The following CLCC1 variants were observed in gnomAD, a reference collection of about 807,000 sequenced individuals.
CLCC1 encodes the protein chloride channel CLIC like 1, also known as chloride channel CLIC-like protein 1.
Under a neutral mutation model 63.3 loss-of-function variants are expected in CLCC1, and 39 were observed. That is an observed-to-expected ratio of 0.62 (90% CI 0.48 to 0.81). The LOEUF is 0.81. Ranked by LOEUF, CLCC1 falls within the 30% of genes least tolerant of loss-of-function variation. CLCC1 has a pLI of 0.00. For missense variants in CLCC1, 549 were observed against 669.4 expected, an observed-to-expected ratio of 0.82 and a Z score of 1.98; for synonymous variants, 217 against 239.8, an observed-to-expected ratio of 0.90 and a Z score of 0.88.
rs145636232 is a variant in CLCC1, at chr1:108,934,691, C to G, written c.1635G>C (p.Pro545=). The G allele has an allele frequency of 8.2e-4, 1,316 of 1,613,432 alleles. 2 individuals carry two copies. Among genetic ancestry groups the G allele is most frequent in the Non-Finnish European group, 1.0e-3 (1,221 of 1,179,942 alleles). ...RGVAGPRGQD[P]VSSPCG ...TCCTCTAGCCACAGGGGCTGCTGAC[C>G]GGATCCTGTCCACGTGGTCCAGCCA... The change falls in exon 12 of 13, where the codon CCG becomes CCC. Residue 545 remains proline (P), a synonymous_variant. Coordinates refer to ENST00000369969, the MANE Select transcript of CLCC1 (RefSeq NM_001377458.1).
chr1:108,933,114 G>A (rs966511132), intron 12 of CLCC1: 2 of 151,778 alleles, frequency 1.3e-5, no homozygotes, highest in African/African-American at 4.8e-5. Flanking sequence ...ACCTTCCAAA[G>A]TGCTAGGACT....
chr1:108,947,525 T>A, intron 5 of CLCC1, 86 bp downstream of exon 5: 1 of 801,180 alleles, frequency 1.2e-6, no homozygotes. Flanking sequence ...AAAAGCATCA[T>A]GATGCTTTCA....
rs752300174 is a variant in CLCC1, at chr1:108,929,927, C to T, written c.*2620G>A. On this transcript the variant is annotated 3_prime_UTR_variant, in exon 13 of 13. Transcript: ENST00000369969. ...GAGTTTAAAAATTCAGGGAAAAAAT[C>T]GGCAGACCATTAGTTACTATGGATT... 9 of 1,613,092 alleles carry T rather than the reference C, an allele frequency of 5.6e-6. No individual in the cohort carries two copies. In the African/African-American group the frequency reaches 6.7e-5, roughly 12 times the overall value.
At chr1:108,951,069 A>G (rs1183282834) in intron 2 of CLCC1, among the ~76,000 whole-genome samples, 1 of 152,234 alleles carries the variant, frequency 6.6e-6, no homozygotes, top group East Asian at 1.9e-4. Flanking sequence ...GAATGTTCAG[A>G]GCCACATTTT....
In CLCC1 at chr1:108,935,399, AAGC is replaced by A. The variant is rs1652753219; in HGVS notation, c.1384-460_1384-458del. Among the ~76,000 whole-genome samples the A allele has an allele frequency of 3.3e-5, 5 of 152,364 alleles. No individual in the cohort carries two copies. The South Asian group carries it at 6.2e-4, about 19-fold the overall frequency. On this transcript the variant is annotated intron_variant, in intron 11 of 12. Coordinates refer to ENST00000369969, the MANE Select transcript of CLCC1 (RefSeq NM_001377458.1). ...TTGAATTAAAGAGGCTATGTAAAAA[AAGC>A]AGAGAAGAGATGAGTGCTGAATGTG...
chr1:108,936,740 A>ATCT (rs1653072094), intron 11 of CLCC1, among the ~76,000 whole-genome samples: 1 of 152,158 alleles, frequency 6.6e-6, no homozygotes, highest in African/African-American at 2.4e-5. Flanking sequence ...CCTTCCCTAG[A>ATCT]GCTCCGGGCC....
chr1:108,956,222 G>T (rs77713702), intron 2 of CLCC1, among the ~76,000 whole-genome samples: 1 of 151,372 alleles, frequency 6.6e-6, no homozygotes, highest in Non-Finnish European at 1.5e-5. Context: ...ATGTGGGTGA[G>T]CCATCTTGGT....
intron 10 of CLCC1, among the ~76,000 whole-genome samples, chr1:108,939,070 CT>C (rs1242081684): frequency 6.6e-6 from 1 of 150,848 alleles, no homozygotes; most frequent in African/African-American, 2.4e-5. Flanking sequence ...TTAGCATTGC[CT>C]TTTTTTCTGT....
rs367778139 is a variant in CLCC1, at chr1:108,931,211, T to TAAAC, written c.*1332_*1335dup. ...GGTTAGGTCAAGAACCTAGGACACA[T>TAAAC]AAACAAACAGAAAACAGATGAAAAC... is the stretch of plus-strand genomic sequence containing the variant. On this transcript the variant is annotated 3_prime_UTR_variant, in exon 13 of 13. Transcript: ENST00000369969. 11 of 1,265,030 alleles carry TAAAC rather than the reference T, an allele frequency of 8.7e-6. No homozygotes were observed. The highest frequency in any genetic ancestry group is 1.5e-5 in the African/African-American group (1 of 66,104). The allele number at this position is 1,265,030 out of a possible 1,614,324, so 78.4% of individuals were successfully genotyped here.
At position 108,930,195 on chromosome 1, in the gene CLCC1, ATTACT is replaced by A. The variant is rs554480374; in HGVS notation, c.*2347_*2351del. The A allele has an allele frequency of 6.9e-4, 294 of 423,092 alleles. No individual in the cohort carries two copies. Among genetic ancestry groups the A allele is most frequent in the Non-Finnish European group, 9.6e-4 (229 of 237,632 alleles). The allele number at this position is 423,092 out of a possible 1,614,324, so 26.2% of individuals were successfully genotyped here. Reference sequence around the variant, plus strand: ...GATGTGTTCTTTGGCAGCTTGTGAGATTACTTTACCTAGTGTTTATAAAGTAGGAA... The same window carrying A: ...GATGTGTTCTTTGGCAGCTTGTGAGATTACCTAGTGTTTATAAAGTAGGAA... On this transcript the variant is annotated 3_prime_UTR_variant, in exon 13 of 13. Coordinates refer to ENST00000369969, the MANE Select transcript of CLCC1 (RefSeq NM_001377458.1).
Position 108,939,531 on chromosome 1 carries a change from G to C in CLCC1, c.1041+105C>G, listed in dbSNP as rs557319570. Reference sequence around the variant, plus strand: ...TCACTGTGTTAGCCAGGATGGTCTCGATCTCCTGACCTCGTGATCCGCCCG... The same window carrying C: ...TCACTGTGTTAGCCAGGATGGTCTCCATCTCCTGACCTCGTGATCCGCCCG... On this transcript the variant is annotated intron_variant, in intron 10 of 12. Coordinates refer to ENST00000369969, the MANE Select transcript of CLCC1 (RefSeq NM_001377458.1). 22 of 925,412 alleles carry C rather than the reference G, an allele frequency of 2.4e-5. 1 individual carries two copies. In the African/African-American group the frequency reaches 3.3e-4, roughly 14 times the overall value. The allele number at this position is 925,412 out of a possible 1,614,324, so 57.3% of individuals were successfully genotyped here.
intron 2 of CLCC1, among the ~76,000 whole-genome samples, chr1:108,953,043 T>C (rs774167439): frequency 1.3e-5 from 2 of 152,230 alleles, no homozygotes; most frequent in Non-Finnish European, 2.9e-5. Flanking sequence ...GGGTAGTGGC[T>C]ACCATATTGG....
chr1:108,950,533 AT>A (rs1655056892), intron 2 of CLCC1, 85 bp from the exon 3 acceptor site: 2 of 743,258 alleles, frequency 2.7e-6, no homozygotes, highest in Non-Finnish European at 3.7e-6. Context: ...TATTATTATT[AT>A]TTTTAGAGAC....
Position 108,944,042 on chromosome 1 carries a change from C to T in CLCC1, c.355G>A (p.Gly119Ser). 6.3e-7 allele frequency: 1 copy of T among 1,592,028 alleles called. No homozygotes were observed. The highest frequency in any genetic ancestry group is 8.5e-7 in the Non-Finnish European group (1 of 1,170,572). Residue 119 changes from glycine to serine, a missense_variant, in exon 6 of 13, where the codon GGC (glycine) becomes AGC (serine). Physicochemically the swap from Gly to Ser is moderately conservative, Grantham distance 56 (BLOSUM62 0). Transcript: ENST00000369969. ...ATCTCAGCATCATAATGCATATCGC[C>T]TTTGTTTTCATCAGGCTAAATTAAA... The part of the protein sequence containing the change: ...GKLGLPDENK[G>S]DMHYDAEIIL...
intron 2 of CLCC1, among the ~76,000 whole-genome samples, chr1:108,958,322 T>C (rs1656173927): frequency 6.6e-6 from 1 of 151,550 alleles, no homozygotes; most frequent in African/African-American, 2.5e-5. Flanking sequence ...TTTTCAATTA[T>C]GCACAGCTCT....
intron 2 of CLCC1, among the ~76,000 whole-genome samples, chr1:108,951,598 C>A (rs939899343): frequency 7.9e-5 from 12 of 152,006 alleles, no homozygotes; most frequent in African/African-American, 2.7e-4. Flanking sequence ...CCAGAATAGG[C>A]AAATCTATTA....
chr1:108,931,511 C>T lies in CLCC1; in HGVS notation c.*1036G>A, dbSNP rs1369994217. ...CTGGGATGGGATCTGGGGATGTGGA[C>T]CCCTATTCTTTCAAAAAGTCATTCA... On this transcript the variant is annotated 3_prime_UTR_variant, in exon 13 of 13. Coordinates refer to ENST00000369969, the MANE Select transcript of CLCC1 (RefSeq NM_001377458.1). The T allele has an allele frequency of 3.9e-6, 6 of 1,536,376 alleles. No individual in the cohort carries two copies. The highest frequency in any genetic ancestry group is 2.4e-5 in the South Asian group (2 of 82,170).
At chr1:108,936,941 GGAGA>G (rs927364200) in intron 11 of CLCC1, 132 bp downstream of exon 11, 4 of 488,408 alleles carry the variant, frequency 8.2e-6, no homozygotes, top group African/African-American at 6.0e-5. Context: ...ACCAGAAAGG[GGAGA>G]GAGTGAGTGG....
intron 5 of CLCC1, among the ~76,000 whole-genome samples, chr1:108,945,171 G>A (rs968988352): frequency 5.9e-5 from 9 of 151,952 alleles, no homozygotes; most frequent in African/African-American, 1.9e-4. Flanking sequence ...TATACCTTAC[G>A]CTTGACTGAA....
Sources: allele counts gnomAD v4.1 joint callset (sites outside exome capture counted in the v4.1 genomes callset), GRCh38; gene constraint gnomAD v4.1.1; transcripts MANE v1.5; gene names NCBI Gene and HGNC (gene_info 2026-07-23, HGNC 2026-07-21).